RIN2: variants seen among roughly 807,000 people sequenced by gnomAD.
The protein encoded by RIN2 is RAB5 interacting protein 2.
Under a neutral mutation model 78.0 loss-of-function variants are expected in RIN2, and 36 were observed. The observed-to-expected ratio is 0.46, with a 90% confidence interval of 0.35 to 0.61. The LOEUF is 0.61. Ranked by LOEUF, RIN2 falls within the 20% of genes least tolerant of loss-of-function variation. The probability of loss-of-function intolerance (pLI) is 0.00; values close to 1 mark genes in which losing one functional copy is unlikely to be tolerated. For missense variants in RIN2, 1,087 were observed against 1,159.7 expected (o/e 0.94, Z 0.91); for synonymous variants, 466 against 466.8 (o/e 1.00, Z 0.02).
At chr20:19,883,889 TAA>T (rs140532587) in intron 2 of RIN2, among the ~76,000 whole-genome samples, 89,934 of 143,578 alleles carry the variant, frequency 0.63, 27,726 homozygotes, top group East Asian at 0.85. Context: ...ACCACCTTGT[TAA>T]AAAAAAAAAA....
intron 4 of RIN2, among the ~76,000 whole-genome samples, chr20:19,935,910 A>G (rs1183167961): frequency 2.0e-5 from 3 of 152,222 alleles, no homozygotes; most frequent in Non-Finnish European, 1.5e-5. Context: ...TTCGTGCCTT[A>G]GAGGCCAGAT....
At chr20:19,853,217 C>G (rs1482763869) in intron 2 of RIN2, among the ~76,000 whole-genome samples, 2 of 151,938 alleles carry the variant, frequency 1.3e-5, no homozygotes, top group East Asian at 3.9e-4. Flanking sequence ...TGAACTCATC[C>G]TTTTTTATGG....
intron 4 of RIN2, among the ~76,000 whole-genome samples, chr20:19,953,425 C>T (rs1276472495): frequency 6.7e-6 from 1 of 150,088 alleles, no homozygotes; most frequent in Admixed American, 6.8e-5. Flanking sequence ...TGAGCCACTG[C>T]ACCTGGCTTT....
chr20:19,869,914 T>C (rs2037637226), intron 2 of RIN2, among the ~76,000 whole-genome samples: 1 of 152,052 alleles, frequency 6.6e-6, no homozygotes, highest in Admixed American at 6.6e-5. Flanking sequence ...TCCCAAAGCA[T>C]TGGGATTACA....
chr20:19,845,198 G>A (rs1336807457), intron 2 of RIN2, among the ~76,000 whole-genome samples: 1 of 152,120 alleles, frequency 6.6e-6, no homozygotes, highest in African/African-American at 2.4e-5. Flanking sequence ...AAACATACAT[G>A]TGCATGTGTC....
At chr20:19,792,145 T>C (rs2034906920) in intron 1 of RIN2, among the ~76,000 whole-genome samples, 1 of 152,166 alleles carries the variant, frequency 6.6e-6, no homozygotes. Context: ...GAACTGCCTG[T>C]GAAGGTCTTC....
At position 19,947,793 on chromosome 20, in the gene RIN2, C is replaced by T. The variant is rs569938562; in HGVS notation, c.159-8822C>T. Among the ~76,000 whole-genome samples, 12 of 152,362 alleles carry T rather than the reference C, an allele frequency of 7.9e-5. No individual in the cohort carries two copies. In the South Asian group the frequency reaches 2.5e-3, roughly 32 times the overall value. On this transcript the variant is annotated intron_variant, in intron 4 of 12. Coordinates refer to ENST00000255006, the MANE Select transcript of RIN2 (RefSeq NM_018993.4). The stretch of plus-strand genomic sequence containing the variant: ...TGAGACTTGCAAGGAGAGACATGGG[C>T]GGAGCCTGCCGCTCACTCCTTCAAA...
chr20:19,813,777 C>T (rs755108951), intron 2 of RIN2, among the ~76,000 whole-genome samples: 24 of 152,100 alleles, frequency 1.6e-4, no homozygotes, highest in Non-Finnish European at 2.9e-4. Context: ...TTGAATGTCC[C>T]ACATGATTAA....
chr20:19,915,182 G>A lies in RIN2; in HGVS notation c.58-19917G>A, dbSNP rs80237568. 2.0e-5 allele frequency among the ~76,000 whole-genome samples: 3 copies of A among 152,182 alleles called. No individual in the cohort carries two copies. The East Asian group carries it at 5.8e-4, about 29-fold the overall frequency. ...GAATGCAAGTAGTCTATTCTGTGTT[G>A]AGTGATCACAGAAAGTTCATGTGGG... is the stretch of plus-strand genomic sequence containing the variant. On this transcript the variant is annotated intron_variant, in intron 3 of 12. Coordinates refer to ENST00000255006, the MANE Select transcript of RIN2 (RefSeq NM_018993.4).
At chr20:19,921,548 G>T (rs1418556787) in intron 3 of RIN2, among the ~76,000 whole-genome samples, 3 of 152,224 alleles carry the variant, frequency 2.0e-5, no homozygotes, top group African/African-American at 7.2e-5. Flanking sequence ...GGAGACTGCA[G>T]TGAACCAAAG....
At chr20:19,770,530 C>T (rs915264492) in intron 1 of RIN2, among the ~76,000 whole-genome samples, 1 of 152,148 alleles carries the variant, frequency 6.6e-6, no homozygotes, top group African/African-American at 2.4e-5. Context: ...TTCCCCTGCC[C>T]TCCATCTGGA....
chr20:19,826,260 ATAAT>A (rs2036087100), intron 2 of RIN2, among the ~76,000 whole-genome samples: 1 of 152,198 alleles, frequency 6.6e-6, no homozygotes, highest in Non-Finnish European at 1.5e-5. Flanking sequence ...CTAATAATAA[ATAAT>A]TATGAGAATA....
intron 1 of RIN2, among the ~76,000 whole-genome samples, chr20:19,784,400 T>G (rs1375806967): frequency 1.3e-5 from 2 of 152,196 alleles, no homozygotes; most frequent in African/African-American, 4.8e-5. Flanking sequence ...TATATACTGT[T>G]GCACTAAGAA....
intron 2 of RIN2, among the ~76,000 whole-genome samples, chr20:19,857,358 TGG>T (rs2037200608): frequency 6.6e-6 from 1 of 152,204 alleles, no homozygotes; most frequent in Non-Finnish European, 1.5e-5. Flanking sequence ...AATAATACAA[TGG>T]ATTCATTGTA....
intron 1 of RIN2, among the ~76,000 whole-genome samples, chr20:19,796,038 G>C (rs1040368584): frequency 2.0e-5 from 3 of 150,826 alleles, no homozygotes; most frequent in Non-Finnish European, 4.4e-5. Flanking sequence ...TAAAAAAAAA[G>C]AAAGAAGAGA....
At chr20:19,791,016 C>T (rs558677588) in intron 1 of RIN2, among the ~76,000 whole-genome samples, 2 of 152,298 alleles carry the variant, frequency 1.3e-5, no homozygotes, top group South Asian at 2.1e-4. Context: ...AACTAAAATG[C>T]CTTTCCCCAT....
In RIN2 at chr20:19,881,193, T is replaced by G. The variant is rs564022306; in HGVS notation, c.-36-8373T>G. ...ATTGGTTCTCCCTGCTCACTAGAGC[T>G]GATTGTTAAAATTTCATGAACTTTC... On this transcript the variant is annotated intron_variant, in intron 2 of 12. Coordinates refer to ENST00000255006, the MANE Select transcript of RIN2 (RefSeq NM_018993.4). 2.6e-5 allele frequency among the ~76,000 whole-genome samples: 4 copies of G among 152,364 alleles called. No homozygotes were observed. In the South Asian group the frequency reaches 8.3e-4, roughly 32 times the overall value.
chr20:19,834,554 G>A (rs1262277316), intron 2 of RIN2, among the ~76,000 whole-genome samples: 1 of 152,174 alleles, frequency 6.6e-6, no homozygotes, highest in African/African-American at 2.4e-5. Flanking sequence ...CCTTAAAAGT[G>A]GAGGAGCAAA....
chr20:19,946,930 C>T (rs1316293436), intron 4 of RIN2, among the ~76,000 whole-genome samples: 3 of 149,718 alleles, frequency 2.0e-5, no homozygotes, highest in Non-Finnish European at 4.4e-5. Flanking sequence ...ACTCAGGAGG[C>T]TGAGGCGGGA....
Sources: gnomAD v4.1 joint callset for allele counts (sites outside exome capture counted in the v4.1 genomes callset) on GRCh38, gnomAD v4.1.1 for gene constraint, MANE v1.5 for transcripts, NCBI Gene and HGNC (gene_info 2026-07-23, HGNC 2026-07-21) for gene names.